Variants in DOCK3 observed in about 807,000 individuals in gnomAD.
DOCK3 encodes dedicator of cytokinesis protein 3.
DOCK3 carries 60 observed loss-of-function variants against 265.6 expected under a neutral mutation model. The observed-to-expected ratio is 0.23, with a 90% CI of 0.18 to 0.28. The LOEUF is 0.28. DOCK3 is among the 10% of genes least tolerant of loss of function. The probability of loss-of-function intolerance (pLI) is 1.00; values close to 1 mark genes in which losing one functional copy is unlikely to be tolerated. For missense variants in DOCK3, 1,981 were observed against 2,594.3 expected (o/e 0.76, Z 5.14); for synonymous variants, 881 against 938.0 (o/e 0.94, Z 1.11).
chr3:51,232,054 T>C (rs1398175032), intron 19 of DOCK3, among the ~76,000 whole-genome samples: 2 of 152,232 alleles, frequency 1.3e-5, no homozygotes, highest in Admixed American at 1.3e-4. Flanking sequence ...TGAGGAAGAA[T>C]GTTCTTACCT....
chr3:51,095,492 C>T (rs73833982), intron 9 of DOCK3, among the ~76,000 whole-genome samples: 6,972 of 151,954 alleles, frequency 0.046, 579 homozygotes, highest in African/African-American at 0.16. Flanking sequence ...TCAACCACAG[C>T]CCTCCTTGGG....
chr3:51,178,944 A>C (rs2087125698), intron 12 of DOCK3, among the ~76,000 whole-genome samples: 1 of 152,212 alleles, frequency 6.6e-6, no homozygotes, highest in Admixed American at 6.5e-5. Context: ...AACAAGGCAC[A>C]GAGTGGGGAG....
intron 5 of DOCK3, among the ~76,000 whole-genome samples, chr3:51,025,638 T>C (rs1322308625): frequency 6.6e-6 from 1 of 152,182 alleles, no homozygotes; most frequent in Non-Finnish European, 1.5e-5. Flanking sequence ...TTGTCCTCTC[T>C]TGAGATTATA....
intron 32 of DOCK3, among the ~76,000 whole-genome samples, chr3:51,327,692 T>G (rs2084228312): frequency 6.7e-6 from 1 of 148,726 alleles, no homozygotes; most frequent in African/African-American, 2.5e-5. Context: ...TTTTTTTTTT[T>G]TTTTTGAGAT....
chr3:50,789,506 A>G (rs960925298), intron 2 of DOCK3, among the ~76,000 whole-genome samples: 41 of 152,248 alleles, frequency 2.7e-4, no homozygotes, highest in South Asian at 2.1e-4. Flanking sequence ...GTTCTAGGGT[A>G]TAGTTTAAGT....
At chr3:51,302,530 T>C (rs1386446415) in intron 27 of DOCK3, among the ~76,000 whole-genome samples, 1 of 152,118 alleles carries the variant, frequency 6.6e-6, no homozygotes, top group Non-Finnish European at 1.5e-5. Context: ...CATTGGCCTT[T>C]GTACTTTTTT....
At chr3:50,782,295 T>TTTA (rs1213019151) in intron 2 of DOCK3, among the ~76,000 whole-genome samples, 7 of 136,316 alleles carry the variant, frequency 5.1e-5, no homozygotes, top group East Asian at 4.7e-4. Flanking sequence ...TGTTATTTTT[T>TTTA]TTTTTTTTTT....
chr3:51,255,296 A>G (rs2079484900), intron 22 of DOCK3, among the ~76,000 whole-genome samples: 1 of 152,134 alleles, frequency 6.6e-6, no homozygotes, highest in African/African-American at 2.4e-5. Flanking sequence ...GGCTGCCCTG[A>G]ACAGTGTTTC....
intron 3 of DOCK3, among the ~76,000 whole-genome samples, chr3:50,870,709 C>CT (rs2047394876): frequency 6.6e-6 from 1 of 151,636 alleles, no homozygotes; most frequent in African/African-American, 2.4e-5. Flanking sequence ...ATTCTATCTT[C>CT]TTTTTTGTGA....
chr3:50,742,422 A>C (rs1019357350), intron 1 of DOCK3, among the ~76,000 whole-genome samples: 1 of 151,730 alleles, frequency 6.6e-6, no homozygotes, highest in Non-Finnish European at 1.5e-5. Flanking sequence ...AATTCAAACC[A>C]AAGGCAAAGA....
intron 21 of DOCK3, among the ~76,000 whole-genome samples, chr3:51,237,986 C>T (rs894915912): frequency 1.3e-5 from 2 of 151,892 alleles, no homozygotes; most frequent in African/African-American, 4.8e-5. Context: ...TAAGTGTAAT[C>T]ACAATATTTG....
intron 12 of DOCK3, among the ~76,000 whole-genome samples, chr3:51,175,580 A>G (rs1279552842): frequency 6.6e-6 from 1 of 152,070 alleles, no homozygotes; most frequent in Non-Finnish European, 1.5e-5. Flanking sequence ...GTCTGCCTCC[A>G]GAGGTATAGA....
intron 4 of DOCK3, among the ~76,000 whole-genome samples, chr3:50,926,160 A>G (rs1475317901): frequency 1.3e-5 from 2 of 152,052 alleles, no homozygotes; most frequent in Non-Finnish European, 2.9e-5. Flanking sequence ...TTTGTGCCCG[A>G]GTGCTTCTCT....
At chr3:50,830,015 A>G (rs1007668156) in intron 2 of DOCK3, among the ~76,000 whole-genome samples, 2 of 152,222 alleles carry the variant, frequency 1.3e-5, no homozygotes, top group African/African-American at 4.8e-5. Flanking sequence ...AGTGCAAATA[A>G]TGGAAAGAGG....
Position 51,090,299 on chromosome 3 carries a change from C to T in DOCK3, c.661C>T (p.Leu221=), listed in dbSNP as rs775333465. The T allele has an allele frequency of 6.2e-7, 1 of 1,601,546 alleles. No homozygotes were observed. The highest frequency in any genetic ancestry group is 2.2e-5 in the East Asian group (1 of 44,532). ...AGTGCCACATCACTTCTTCCTCAGC[C>T]TGAAGAGTTTCACTTACAATACTAT... The part of the protein sequence containing the change: ...MPVPHHFFLS[L]KSFTYNTIGE... The change falls in exon 9 of 53, where the codon CTG becomes TTG. Residue 221 remains leucine (L), a synonymous_variant. Coordinates refer to ENST00000266037, the MANE Select transcript of DOCK3 (RefSeq NM_004947.5).
At chr3:51,236,278 T>A in intron 19 of DOCK3, 67 bp from the exon 20 acceptor site, 1 of 1,160,722 alleles carries the variant, frequency 8.6e-7, no homozygotes. Flanking sequence ...TTAAATTCAT[T>A]GATTTATGGA....
At chr3:50,761,126 A>AT (rs1205983702) in intron 1 of DOCK3, among the ~76,000 whole-genome samples, 6 of 151,742 alleles carry the variant, frequency 4.0e-5, no homozygotes, top group African/African-American at 1.5e-4. Flanking sequence ...TGTCTTCTTT[A>AT]TTTTTTTATT....
intron 4 of DOCK3, among the ~76,000 whole-genome samples, chr3:50,929,562 T>C (rs1405491646): frequency 6.6e-6 from 1 of 152,232 alleles, no homozygotes; most frequent in Non-Finnish European, 1.5e-5. Context: ...TCTAAGTTCC[T>C]AGTCACCAGT....
intron 6 of DOCK3, among the ~76,000 whole-genome samples, chr3:51,074,370 A>G (rs1038287013): frequency 5.3e-5 from 8 of 152,282 alleles, no homozygotes; most frequent in Non-Finnish European, 7.4e-5. Context: ...TTGACCATAA[A>G]TTACATACCA....
Sources: allele counts gnomAD v4.1 joint callset (sites outside exome capture counted in the v4.1 genomes callset), GRCh38; gene constraint gnomAD v4.1.1; transcripts MANE v1.5; gene names NCBI Gene and HGNC (gene_info 2026-07-23, HGNC 2026-07-21).